VPS8: variants seen among roughly 807,000 people sequenced by gnomAD.
VPS8 encodes vacuolar protein sorting-associated protein 8 homolog.
VPS8 carries 129 observed loss-of-function variants against 216.4 expected under a neutral mutation model. The observed-to-expected ratio is 0.60, with a 90% CI of 0.52 to 0.69. The LOEUF (loss-of-function observed/expected upper bound fraction) is 0.69. VPS8 is among the 30% of genes least tolerant of loss of function. VPS8 has a pLI of 0.00. For missense variants in VPS8, 1,531 were observed against 1,683.5 expected (o/e 0.91, Z 1.59); for synonymous variants, 571 against 565.4 (o/e 1.01, Z -0.14).
intron 36 of VPS8, among the ~76,000 whole-genome samples, chr3:184,940,864 AT>A: frequency 6.6e-6 from 1 of 152,336 alleles, no homozygotes; most frequent in South Asian, 2.1e-4. Flanking sequence ...CATAGAGTAC[AT>A]TGGGAGTTGA....
chr3:185,047,108 G>A (rs1369586263), intron 46 of VPS8, among the ~76,000 whole-genome samples: 1 of 152,102 alleles, frequency 6.6e-6, no homozygotes, highest in African/African-American at 2.4e-5. Context: ...ACCCAGTTTT[G>A]CCTGTGCACG....
intron 46 of VPS8, among the ~76,000 whole-genome samples, chr3:185,028,302 G>C (rs1237502196): frequency 6.6e-6 from 1 of 152,182 alleles, no homozygotes; most frequent in African/African-American, 2.4e-5. Context: ...GTCAGGAAAG[G>C]CTTCCCAGCG....
At chr3:184,991,355 A>G (rs1246066650) in intron 42 of VPS8, among the ~76,000 whole-genome samples, 2 of 152,230 alleles carry the variant, frequency 1.3e-5, no homozygotes, top group East Asian at 3.9e-4. Context: ...ACATCTTTGG[A>G]AAATAATTTG....
At chr3:184,864,447 C>T (rs1437665305) in intron 16 of VPS8, among the ~76,000 whole-genome samples, 1 of 152,118 alleles carries the variant, frequency 6.6e-6, no homozygotes, top group Non-Finnish European at 1.5e-5. Flanking sequence ...CTTGAGTGTT[C>T]CTCAGACTCC....
At chr3:184,897,323 G>A (rs1023909596) in intron 23 of VPS8, among the ~76,000 whole-genome samples, 12 of 152,240 alleles carry the variant, frequency 7.9e-5, no homozygotes, top group African/African-American at 2.9e-4. Flanking sequence ...ATTGGGATAT[G>A]AGGGTGTGAG....
At chr3:184,927,132 CTGTT>C (rs1229892565) in intron 31 of VPS8, among the ~76,000 whole-genome samples, 1 of 152,144 alleles carries the variant, frequency 6.6e-6, no homozygotes, top group African/African-American at 2.4e-5. Flanking sequence ...GAGATAGTAA[CTGTT>C]TGAGTACCAC....
intron 6 of VPS8, 178 bp downstream of exon 6, chr3:184,838,924 T>C (rs1256559745): frequency 3.8e-6 from 2 of 524,480 alleles, no homozygotes; most frequent in African/African-American, 4.0e-5. Flanking sequence ...TTTTTCCTAA[T>C]TTTTTGTTAC....
intron 23 of VPS8, among the ~76,000 whole-genome samples, chr3:184,895,827 C>T (rs1192320074): frequency 6.7e-6 from 1 of 149,782 alleles, no homozygotes; most frequent in Non-Finnish European, 1.5e-5. Flanking sequence ...AGAGACGGGG[C>T]TTCACCATGT....
intron 30 of VPS8, 45 bp from the exon 31 acceptor site, chr3:184,926,549 G>A (rs1356125643): frequency 2.0e-6 from 3 of 1,531,510 alleles, no homozygotes; most frequent in Non-Finnish European, 2.7e-6. Flanking sequence ...GAGTATTAAT[G>A]TCTAGATGCT....
At chr3:184,997,514 A>G (rs1355797013) in intron 44 of VPS8, among the ~76,000 whole-genome samples, 3 of 152,226 alleles carry the variant, frequency 2.0e-5, no homozygotes, top group African/African-American at 7.2e-5. Flanking sequence ...TCACACAAAG[A>G]GCCCATTCAG....
At chr3:185,011,558 G>A (rs1755020372) in intron 45 of VPS8, among the ~76,000 whole-genome samples, 1 of 152,218 alleles carries the variant, frequency 6.6e-6, no homozygotes, top group Non-Finnish European at 1.5e-5. Flanking sequence ...CCAGAAAGCA[G>A]CATCAGGTAC....
Position 184,957,521 on chromosome 3 carries a change from G to C in VPS8, c.3183G>C (p.Gln1061His). ...GCTACCGTCTGGAAGAAACTATTCA[G>C]GTGAGACGAACAATGTAAAAGAGAC... ...LECYRLEETI[Q>H]ITQKYQLHEV... The change falls in exon 37 of 48, where the codon CAG becomes CAC. Residue 1061 changes from glutamine (Q) to histidine (H), a missense_variant and splice_region_variant. By Grantham distance (24) the Gln-to-His change is conservative. Transcript: ENST00000625842. 6.2e-7 allele frequency: 1 copy of C among 1,607,410 alleles called. No individual in the cohort carries two copies. Among genetic ancestry groups the C allele is most frequent in the African/African-American group, 1.3e-5 (1 of 74,896 alleles).
At chr3:184,961,117 G>C (rs1746429972) in intron 37 of VPS8, among the ~76,000 whole-genome samples, 1 of 152,204 alleles carries the variant, frequency 6.6e-6, no homozygotes, top group Non-Finnish European at 1.5e-5. Context: ...TAGTCTTGTT[G>C]TGCCATAAAA....
At chr3:184,994,395 T>C (rs1206494098) in intron 43 of VPS8, among the ~76,000 whole-genome samples, 1 of 151,576 alleles carries the variant, frequency 6.6e-6, no homozygotes, top group Non-Finnish European at 1.5e-5. Flanking sequence ...TTGTAACTCC[T>C]CAGGACGATC....
intron 23 of VPS8, among the ~76,000 whole-genome samples, chr3:184,895,975 G>A (rs1733400092): frequency 6.6e-6 from 1 of 151,894 alleles, no homozygotes; most frequent in African/African-American, 2.4e-5. Flanking sequence ...CTAATAATGA[G>A]CATGTTACTC....
intron 44 of VPS8, among the ~76,000 whole-genome samples, chr3:184,999,319 A>G (rs1753079367): frequency 6.6e-6 from 1 of 152,180 alleles, no homozygotes; most frequent in Admixed American, 6.5e-5. Flanking sequence ...TCGGCCTCCC[A>G]AAGTGCTGGG....
At chr3:184,852,753 T>C (rs193287295) in intron 11 of VPS8, among the ~76,000 whole-genome samples, 186 bp downstream of exon 11, 2 of 152,172 alleles carry the variant, frequency 1.3e-5, no homozygotes, top group Admixed American at 1.3e-4. Flanking sequence ...TCCTCCCGAG[T>C]TTTATCTCAG....
At chr3:184,881,711 C>T (rs1185224020) in intron 21 of VPS8, among the ~76,000 whole-genome samples, 1 of 152,052 alleles carries the variant, frequency 6.6e-6, no homozygotes, top group Non-Finnish European at 1.5e-5. Context: ...TTACATTAAA[C>T]ACATCAGTTT....
chr3:184,855,759 C>T lies in VPS8; in HGVS notation c.1084C>T (p.Gln362Ter). The change falls in exon 14 of 48, where the codon CAA becomes TAA. Residue 362 changes from glutamine to a stop codon, truncating the protein, a stop_gained. Coordinates refer to ENST00000625842, the MANE Select transcript of VPS8 (RefSeq NM_001009921.3). LOFTEE classifies it high-confidence loss of function. ...GCTGGCCTGGCACTTTGTAGCAGTA[C>T]AAAATTACGTGAATCCCATGCTTGC... is the stretch of plus-strand genomic sequence containing the variant. ...PLLAWHFVAV[Q>*]NYVNPMLAFC... The T allele has an allele frequency of 6.2e-7, 1 of 1,613,726 alleles. No individual in the cohort carries two copies. The highest frequency in any genetic ancestry group is 8.5e-7 in the Non-Finnish European group (1 of 1,179,808).
Sources: gnomAD v4.1 joint callset for allele counts (sites outside exome capture counted in the v4.1 genomes callset) on GRCh38, gnomAD v4.1.1 for gene constraint, MANE v1.5 for transcripts, NCBI Gene and HGNC (gene_info 2026-07-23, HGNC 2026-07-21) for gene names.